Variants in RIC1 observed in about 807,000 individuals in gnomAD.
The protein encoded by RIC1 is RIC1 partner of RAB6A GEF complex, also known as guanine nucleotide exchange factor subunit RIC1.
A neutral mutation model predicts 169.0 loss-of-function variants in RIC1; 88 were observed. The ratio of observed to expected loss-of-function variants is 0.52; its 90% CI spans 0.44 to 0.62. The LOEUF is 0.62. Ranked by LOEUF, RIC1 falls within the 20% of genes least tolerant of loss-of-function variation. The probability of loss-of-function intolerance (pLI) is 0.00; values close to 1 mark genes in which losing one functional copy is unlikely to be tolerated. For missense variants in RIC1, 1,877 were observed against 1,725.5 expected (o/e 1.09, Z -1.56); for synonymous variants, 790 against 601.5 (o/e 1.31, Z -4.59).
intron 2 of RIC1, among the ~76,000 whole-genome samples, chr9:5,681,012 G>C (rs991734594): frequency 2.0e-5 from 3 of 150,564 alleles, no homozygotes; most frequent in South Asian, 2.1e-4. Flanking sequence ...ATTTTTAGTA[G>C]AGACGGGGTT....
In RIC1 at chr9:5,661,753, A is replaced by G. The variant is rs1187563402; in HGVS notation, c.252+5063A>G. On this transcript the variant is annotated intron_variant, in intron 2 of 25. Transcript: ENST00000414202. The stretch of plus-strand genomic sequence containing the variant: ...TGGGCTGAGGCAATGGGGTTTTCTA[A>G]TATAGGATCATGTCATCTGCAAACA... 3.3e-5 allele frequency among the ~76,000 whole-genome samples: 5 copies of G among 152,296 alleles called. No individual in the cohort carries two copies. The East Asian group carries it at 9.6e-4, about 29-fold the overall frequency.
intron 21 of RIC1, among the ~76,000 whole-genome samples, chr9:5,767,181 T>C (rs1239301892): frequency 2.0e-5 from 3 of 152,244 alleles, no homozygotes; most frequent in Admixed American, 6.5e-5. Flanking sequence ...CCTTTCCTTC[T>C]AATTATACTT....
intron 2 of RIC1, among the ~76,000 whole-genome samples, chr9:5,667,181 G>T (rs376444363): frequency 6.6e-6 from 1 of 152,046 alleles, no homozygotes; most frequent in Non-Finnish European, 1.5e-5. Context: ...ACTTAGCCAG[G>T]TGAGTTGGCA....
chr9:5,769,367 G>A (rs1346153858), intron 22 of RIC1, 111 bp downstream of exon 22: 1 of 1,608,668 alleles, frequency 6.2e-7, no homozygotes, highest in African/African-American at 1.3e-5. Flanking sequence ...CCAAACTTAG[G>A]AATGGATAAA....
At position 5,745,954 on chromosome 9, in the gene RIC1, C is replaced by T. The variant is rs1563945335; in HGVS notation, c.1119C>T (p.His373=). 2 of 1,613,502 alleles carry T rather than the reference C, an allele frequency of 1.2e-6. No homozygotes were observed. Among genetic ancestry groups the T allele is most frequent in the African/African-American group, 1.3e-5 (1 of 75,012 alleles). ...AGAGCTGGGGTGCAGAAGGCTATCA[C>T]CTATGGGTAATCAGCGGATTTGGTT... ...NSMSWGAEGY[H]LWVISGFGSQ... The change falls in exon 11 of 26, where the codon CAC becomes CAT. Residue 373 remains histidine, a synonymous_variant. Coordinates refer to ENST00000414202, the MANE Select transcript of RIC1 (RefSeq NM_020829.4).
intron 1 of RIC1, among the ~76,000 whole-genome samples, chr9:5,641,457 A>G (rs1022145310): frequency 1.3e-5 from 2 of 152,092 alleles, no homozygotes; most frequent in African/African-American, 4.8e-5. Context: ...ACTTGAATGC[A>G]GATATCTTTC....
chr9:5,701,888 CA>C (rs1489840305), intron 3 of RIC1, among the ~76,000 whole-genome samples: 1 of 152,132 alleles, frequency 6.6e-6, no homozygotes, highest in Non-Finnish European at 1.5e-5. Flanking sequence ...TTAATACACT[CA>C]AAATGTCAAA....
chr9:5,649,248 A>T (rs1414201300), intron 1 of RIC1, among the ~76,000 whole-genome samples: 1 of 152,214 alleles, frequency 6.6e-6, no homozygotes, highest in Admixed American at 6.5e-5. Context: ...GTCTAAATAA[A>T]TGGTAATTAC....
Position 5,772,556 on chromosome 9 carries a change from T to A in RIC1, c.3617-8T>A, listed in dbSNP as rs766106883. 47 of 1,569,422 alleles carry A rather than the reference T, an allele frequency of 3.0e-5. No homozygotes were observed. The highest frequency in any genetic ancestry group is 8.2e-5 in the African/African-American group (6 of 73,056). ...AGTTGGTTGTAACTTTTGGCAATTC[T>A]TCATCAGGTGATGAATGCAGTATTG... is the stretch of plus-strand genomic sequence containing the variant. On this transcript the variant is annotated splice_polypyrimidine_tract_variant and splice_region_variant and intron_variant, in intron 23 of 25. Transcript: ENST00000414202.
At chr9:5,776,631 A>G (rs1445125509), downstream of RIC1, 1 of 151,942 alleles carries the variant, frequency 6.6e-6, no homozygotes, top group African/African-American at 2.4e-5. Flanking sequence ...GCTTCTTAGA[A>G]TTTTCCTTAT....
intron 8 of RIC1, among the ~76,000 whole-genome samples, chr9:5,740,769 A>G (rs112026454): frequency 2.4e-4 from 36 of 152,128 alleles, no homozygotes; most frequent in Non-Finnish European, 4.9e-4. Context: ...CACTGACTCA[A>G]ATGTTAATCT....
intron 2 of RIC1, among the ~76,000 whole-genome samples, chr9:5,656,898 T>C (rs1350752100): frequency 1.3e-5 from 2 of 152,208 alleles, no homozygotes; most frequent in African/African-American, 4.8e-5. Flanking sequence ...ACAAAGCACC[T>C]ATATCCCTAA....
chr9:5,647,936 G>GGGTGGTGATGGTGGTGGTGGTGGT (rs1554658158), intron 1 of RIC1, among the ~76,000 whole-genome samples: 1 of 121,244 alleles, frequency 8.2e-6, no homozygotes, highest in African/African-American at 3.0e-5. Context: ...GTGTGGGGGT[G>GGGTGGTGATGGTGGTGGTGGTGGT]GGTGGTGGTG....
chr9:5,737,006 T>C (rs1824755468), intron 7 of RIC1, among the ~76,000 whole-genome samples: 2 of 151,044 alleles, frequency 1.3e-5, no homozygotes, highest in South Asian at 4.2e-4. Context: ...AACAATCTGG[T>C]AGTCATAAAC....
intron 2 of RIC1, among the ~76,000 whole-genome samples, chr9:5,676,966 A>C (rs1434352227): frequency 1.3e-5 from 2 of 151,612 alleles, no homozygotes; most frequent in Non-Finnish European, 2.9e-5. Context: ...TGGGGCTGTA[A>C]CAAACAAAAC....
At chr9:5,752,468 T>C (rs1825778418) in intron 12 of RIC1, among the ~76,000 whole-genome samples, 1 of 151,752 alleles carries the variant, frequency 6.6e-6, no homozygotes, top group South Asian at 2.1e-4. Flanking sequence ...GAGACGGAGT[T>C]TCGCTCTTAT....
chr9:5,644,464 G>T (rs1438541337), intron 1 of RIC1, among the ~76,000 whole-genome samples: 1 of 152,118 alleles, frequency 6.6e-6, no homozygotes, highest in African/African-American at 2.4e-5. Flanking sequence ...GGTAAAGTCT[G>T]GGCTTTTAGT....
chr9:5,743,677 G>C lies in RIC1; in HGVS notation c.1047-12G>C, dbSNP rs1825210283. ...GAAGGCTGTATTATATTTAGTTTCTGTTCTGTTTCAGTTATAGGTCTGATG... is the reference window on the plus strand; with the variant it reads ...GAAGGCTGTATTATATTTAGTTTCTCTTCTGTTTCAGTTATAGGTCTGATG... On this transcript the variant is annotated splice_polypyrimidine_tract_variant and intron_variant, in intron 9 of 25. Coordinates refer to ENST00000414202, the MANE Select transcript of RIC1 (RefSeq NM_020829.4). 1.3e-6 allele frequency: 2 copies of C among 1,596,302 alleles called. No individual in the cohort carries two copies. Among genetic ancestry groups the C allele is most frequent in the African/African-American group, 2.7e-5 (2 of 74,272 alleles).
At chr9:5,646,338 C>G (rs987949351) in intron 1 of RIC1, among the ~76,000 whole-genome samples, 4 of 152,164 alleles carry the variant, frequency 2.6e-5, no homozygotes, top group African/African-American at 9.6e-5. Flanking sequence ...GTTTCTAATA[C>G]AGTTATGCTC....
Sources: gnomAD v4.1 joint callset for allele counts (sites outside exome capture counted in the v4.1 genomes callset) on GRCh38, gnomAD v4.1.1 for gene constraint, MANE v1.5 for transcripts, NCBI Gene and HGNC (gene_info 2026-07-23, HGNC 2026-07-21) for gene names.